ATP8B4: variants seen among roughly 807,000 people sequenced by gnomAD.
The protein encoded by ATP8B4 is probable phospholipid-transporting ATPase IM.
ATP8B4 carries 133 observed loss-of-function variants against 145.6 expected under a neutral mutation model. The ratio of observed to expected loss-of-function variants is 0.91; its 90% CI spans 0.79 to 1.05. The LOEUF is 1.05. ATP8B4 is among the 50% of genes least tolerant of loss of function. The pLI is 0.00. For missense variants in ATP8B4, 1,458 were observed against 1,425.2 expected, an observed-to-expected ratio of 1.02 and a Z score of -0.37; for synonymous variants, 507 against 492.9, an observed-to-expected ratio of 1.03 and a Z score of -0.38.
chr15:49,982,970 C>T (rs1289357178), intron 10 of ATP8B4, among the ~76,000 whole-genome samples: 1 of 152,094 alleles, frequency 6.6e-6, no homozygotes, highest in African/African-American at 2.4e-5. Context: ...TATTCTCCTG[C>T]TTTCCTTCCT....
At chr15:50,110,646 TC>T (rs2056893197) in intron 1 of ATP8B4, among the ~76,000 whole-genome samples, 1 of 152,230 alleles carries the variant, frequency 6.6e-6, no homozygotes, top group Non-Finnish European at 1.5e-5. Context: ...AAGTTCTCCC[TC>T]TTAAAAACTG....
chr15:49,982,814 C>T (rs8031403), intron 10 of ATP8B4, among the ~76,000 whole-genome samples: 77,689 of 151,976 alleles, frequency 0.51, 21,668 homozygotes, highest in African/African-American at 0.73. Flanking sequence ...TTACTCAACC[C>T]AGTCTCTGGG....
chr15:49,957,731 A>C (rs2043702467), intron 14 of ATP8B4, among the ~76,000 whole-genome samples: 1 of 152,044 alleles, frequency 6.6e-6, no homozygotes, highest in Non-Finnish European at 1.5e-5. Flanking sequence ...ATAAAAGTTA[A>C]ACCATTATGA....
intron 7 of ATP8B4, among the ~76,000 whole-genome samples, chr15:50,009,836 G>C (rs1230386084): frequency 6.6e-6 from 1 of 152,032 alleles, no homozygotes; most frequent in African/African-American, 2.4e-5. Flanking sequence ...GTTTATTTTT[G>C]GCTCCCAGCT....
chr15:50,086,039 TATA>T (rs1265942318), intron 2 of ATP8B4, among the ~76,000 whole-genome samples: 2 of 106,100 alleles, frequency 1.9e-5, no homozygotes, highest in Non-Finnish European at 3.4e-5. Context: ...TTATATATAA[TATA>T]ATATATAGAT....
At chr15:50,023,552 C>T (rs762040008) in intron 6 of ATP8B4, among the ~76,000 whole-genome samples, 1 of 151,916 alleles carries the variant, frequency 6.6e-6, no homozygotes, top group Non-Finnish European at 1.5e-5. Context: ...TATTGTTTTC[C>T]TATCATTCTT....
At chr15:49,868,871 G>A (rs1406726423) in intron 25 of ATP8B4, among the ~76,000 whole-genome samples, 4 of 152,168 alleles carry the variant, frequency 2.6e-5, no homozygotes, top group South Asian at 4.1e-4. Flanking sequence ...GAAATCACTA[G>A]TAAAATAAGA....
intron 2 of ATP8B4, among the ~76,000 whole-genome samples, chr15:50,105,369 G>A (rs985677239): frequency 1.3e-5 from 2 of 151,794 alleles, no homozygotes; most frequent in African/African-American, 4.8e-5. Context: ...AGTAATAATT[G>A]TATAATTAAG....
intron 2 of ATP8B4, among the ~76,000 whole-genome samples, chr15:50,080,746 T>G (rs2054491692): frequency 6.6e-6 from 1 of 152,006 alleles, no homozygotes; most frequent in Non-Finnish European, 1.5e-5. Flanking sequence ...TGCTAGAAAT[T>G]TTTAAGTTCA....
intron 23 of ATP8B4, chr15:49,895,881 G>C (rs1216602611): frequency 6.6e-6 from 1 of 152,204 alleles, no homozygotes; most frequent in African/African-American, 2.4e-5. Context: ...CTACTCTTCT[G>C]TGTTCTAAGA....
At chr15:50,027,739 T>G (rs1350189719) in intron 6 of ATP8B4, among the ~76,000 whole-genome samples, 1 of 152,250 alleles carries the variant, frequency 6.6e-6, no homozygotes, top group East Asian at 1.9e-4. Flanking sequence ...ATGGAAAATG[T>G]ACTTTATTGC....
intron 13 of ATP8B4, 84 bp downstream of exon 13, chr15:49,972,498 G>C (rs554757923): frequency 7.2e-7 from 1 of 1,381,702 alleles, no homozygotes; most frequent in East Asian, 2.4e-5. Flanking sequence ...GACTGTTTTG[G>C]ATTTTTAAAT....
At position 50,006,042 on chromosome 15, in the gene ATP8B4, AAATGAG is replaced by A. The variant is rs557769386; in HGVS notation, c.436-3825_436-3820del. On this transcript the variant is annotated intron_variant, in intron 7 of 27. Coordinates refer to ENST00000284509, the MANE Select transcript of ATP8B4 (RefSeq NM_024837.4). The stretch of plus-strand genomic sequence containing the variant: ...CAAATACCTCATGCATTGAGTCAAA[AAATGAG>A]AATGAGATCCTAAAAATGAAGTTTA... Among the ~76,000 whole-genome samples the A allele has an allele frequency of 5.3e-5, 8 of 152,318 alleles. No individual in the cohort carries two copies. In the South Asian group the frequency reaches 1.7e-3, roughly 32 times the overall value.
intron 20 of ATP8B4, among the ~76,000 whole-genome samples, chr15:49,906,634 T>C (rs1057237806): frequency 4.6e-5 from 7 of 152,208 alleles, no homozygotes; most frequent in Admixed American, 6.5e-5. Flanking sequence ...TTGAAACTCA[T>C]AGCAGCATCA....
At chr15:50,060,045 G>A (rs556689381) in intron 3 of ATP8B4, among the ~76,000 whole-genome samples, 33 of 152,222 alleles carry the variant, frequency 2.2e-4, no homozygotes, top group African/African-American at 7.9e-4. Flanking sequence ...TATACCCTCA[G>A]TAAGGAAACT....
intron 5 of ATP8B4, among the ~76,000 whole-genome samples, chr15:50,041,725 C>T (rs957348683): frequency 6.6e-5 from 10 of 152,114 alleles, no homozygotes; most frequent in East Asian, 1.9e-4. Context: ...AGGCAGATCA[C>T]GAGGTCAGAT....
At chr15:49,962,609 T>C (rs2044181162) in intron 13 of ATP8B4, among the ~76,000 whole-genome samples, 1 of 152,184 alleles carries the variant, frequency 6.6e-6, no homozygotes, top group South Asian at 2.1e-4. Flanking sequence ...ATAAGGGACA[T>C]TTACAATAGA....
At chr15:49,934,860 T>A (rs1355063472) in intron 14 of ATP8B4, among the ~76,000 whole-genome samples, 1 of 152,132 alleles carries the variant, frequency 6.6e-6, no homozygotes, top group Non-Finnish European at 1.5e-5. Flanking sequence ...CTTTATCAGC[T>A]GCAGAGTCCA....
chr15:49,972,126 G>A (rs59508756), intron 13 of ATP8B4, among the ~76,000 whole-genome samples: 6,246 of 152,180 alleles, frequency 0.041, 177 homozygotes, highest in South Asian at 0.085. Context: ...GTGTTGGGAC[G>A]TGGGAGGCTA....
Sources: gnomAD v4.1 joint callset for allele counts (sites outside exome capture counted in the v4.1 genomes callset) on GRCh38, gnomAD v4.1.1 for gene constraint, MANE v1.5 for transcripts, NCBI Gene and HGNC (gene_info 2026-07-23, HGNC 2026-07-21) for gene names.